The following UGGT1 variants were observed in gnomAD, a reference collection of about 807,000 sequenced individuals.
UGGT1 encodes UDP-glucose glycoprotein glucosyltransferase 1, also known as UDP-glucose:glycoprotein glucosyltransferase 1.
Under a neutral mutation model 203.9 loss-of-function variants are expected in UGGT1, and 107 were observed. The ratio of observed to expected loss-of-function variants is 0.52; its 90% CI spans 0.45 to 0.62. The LOEUF (loss-of-function observed/expected upper bound fraction) is 0.62, where lower values mean the gene tolerates loss of function less well. Among genes scored for constraint, UGGT1 ranks in the 20% least tolerant of loss-of-function variants. The pLI, the probability that UGGT1 is intolerant of heterozygous loss-of-function variation, is 0.00. For missense variants in UGGT1, 1,673 were observed against 1,867.2 expected (o/e 0.90, Z 1.92); for synonymous variants, 628 against 653.5 (o/e 0.96, Z 0.59).
At chr2:128,133,302 C>T in intron 14 of UGGT1, 42 bp downstream of exon 14, 1 of 1,550,592 alleles carries the variant, frequency 6.4e-7, no homozygotes, top group South Asian at 1.1e-5. Flanking sequence ...CTGTTTCTCC[C>T]TTGCCTAGTC....
chr2:128,164,652 G>A, intron 25 of UGGT1, 78 bp from the exon 26 acceptor site: 1 of 1,165,272 alleles, frequency 8.6e-7, no homozygotes, highest in East Asian at 2.4e-5. Context: ...TCAGTATTTG[G>A]GCTGATGATA....
Position 128,153,044 on chromosome 2 carries a change from A to G in UGGT1, c.2137+140A>G. On this transcript the variant is annotated intron_variant, in intron 19 of 40. Coordinates refer to ENST00000259253, the MANE Select transcript of UGGT1 (RefSeq NM_020120.4). ...AAGATTGTGACAAAATTTTATGTGT[A>G]AACTCTTTGCACCTTTAGTTCATAA... 1.6e-6 allele frequency: 2 copies of G among 1,218,670 alleles called. 1 individual carries two copies. Among genetic ancestry groups the G allele is most frequent in the South Asian group, 3.1e-5 (2 of 65,382 alleles). The allele number at this position is 1,218,670 out of a possible 1,614,324, so 75.5% of individuals were successfully genotyped here. A position where few individuals can be genotyped will look rare whatever the true frequency, so the allele number is the denominator to read the frequency against.
At chr2:128,123,638 C>T (rs1327167839) in intron 11 of UGGT1, among the ~76,000 whole-genome samples, 1 of 152,172 alleles carries the variant, frequency 6.6e-6, no homozygotes, top group Admixed American at 6.5e-5. Flanking sequence ...CTTTCACTGC[C>T]TCCCCCTCAG....
chr2:128,144,357 T>C (rs1019467688), intron 17 of UGGT1, among the ~76,000 whole-genome samples: 1 of 152,242 alleles, frequency 6.6e-6, no homozygotes, highest in Non-Finnish European at 1.5e-5. Context: ...TTGTAAACTA[T>C]TTCTGAGTGG....
chr2:128,121,100 A>T, intron 9 of UGGT1, 99 bp from the exon 10 acceptor site: 1 of 1,135,772 alleles, frequency 8.8e-7, no homozygotes, highest in Non-Finnish European at 1.3e-6. Context: ...AGATATTCTT[A>T]ATTACCATGA....
intron 20 of UGGT1, 53 bp from the exon 21 acceptor site, chr2:128,156,339 T>A: frequency 7.2e-7 from 1 of 1,392,842 alleles, no homozygotes; most frequent in Non-Finnish European, 1.0e-6. Context: ...CAGTAGGCAT[T>A]CATTCCAGAA....
chr2:128,176,814 C>T lies in UGGT1; in HGVS notation c.3540C>T (p.Ser1180=). ...TATTGATCTTTCTTTTCTCGCAAAG[C>T]CACGATGGCACTGATTCTCCCCCTG... ...GRSEDIYRIY[S]HDGTDSPPDA... Residue 1180 remains serine, a splice_region_variant and synonymous_variant, in exon 32 of 41, where the codon AGC becomes AGT. Coordinates refer to ENST00000259253, the MANE Select transcript of UGGT1 (RefSeq NM_020120.4). 2 of 1,613,648 alleles carry T rather than the reference C, an allele frequency of 1.2e-6. No individual in the cohort carries two copies. Among genetic ancestry groups the T allele is most frequent in the South Asian group, 1.1e-5 (1 of 90,982 alleles).
intron 17 of UGGT1, among the ~76,000 whole-genome samples, chr2:128,143,937 A>C (rs995735203): frequency 2.2e-4 from 33 of 152,104 alleles, no homozygotes; most frequent in Admixed American, 1.4e-3. Context: ...AATAAATGTC[A>C]TTGCACTTGT....
intron 38 of UGGT1, among the ~76,000 whole-genome samples, chr2:128,185,732 G>A (rs759230332): frequency 1.4e-4 from 22 of 152,008 alleles, no homozygotes; most frequent in Non-Finnish European, 3.2e-4. Context: ...CACTTCAGCA[G>A]CTATTTTTAA....
At chr2:128,178,284 T>C (rs985414136) in intron 33 of UGGT1, among the ~76,000 whole-genome samples, 184 bp from the exon 34 acceptor site, 1 of 152,192 alleles carries the variant, frequency 6.6e-6, no homozygotes, top group African/African-American at 2.4e-5. Context: ...GAACATTCTT[T>C]TTGTAGGTTG....
At chr2:128,176,234 T>C (rs1691364080) in intron 31 of UGGT1, among the ~76,000 whole-genome samples, 1 of 151,974 alleles carries the variant, frequency 6.6e-6, no homozygotes, top group African/African-American at 2.4e-5. Context: ...GCCACTATGG[T>C]GAAACCCTGT....
chr2:128,118,051 A>G (rs937615260), intron 8 of UGGT1, among the ~76,000 whole-genome samples: 2 of 151,906 alleles, frequency 1.3e-5, no homozygotes, highest in African/African-American at 4.8e-5. Flanking sequence ...TAGAAATAGT[A>G]TATGCTAGAC....
intron 30 of UGGT1, 39 bp downstream of exon 30, chr2:128,173,978 C>G (rs567729877): frequency 5.0e-6 from 8 of 1,598,354 alleles, no homozygotes; most frequent in Non-Finnish European, 6.8e-6. Flanking sequence ...ATTGTAGTTA[C>G]GTTAATTTGG....
intron 18 of UGGT1, chr2:128,151,409 C>T (rs904270276): frequency 1.1e-5 from 4 of 369,138 alleles, no homozygotes; most frequent in South Asian, 7.0e-5. Flanking sequence ...TCCTTGAACT[C>T]GATGGGCTTC....
chr2:128,194,152 G>A lies in UGGT1; in HGVS notation c.*4410G>A, dbSNP rs147635000. ...TTGTTGCCCAGGGTGGAGTACAATG[G>A]TGTGACCTTGGCTCACTGCAACCTC... On this transcript the variant is annotated 3_prime_UTR_variant, in exon 41 of 41. Transcript: ENST00000259253. 2 of 152,382 alleles carry A rather than the reference G, an allele frequency of 1.3e-5. No individual in the cohort carries two copies. Among genetic ancestry groups the A allele is most frequent in the African/African-American group, 4.8e-5 (2 of 41,544 alleles). 9.4% of individuals were successfully genotyped at this position (152,382 alleles called of 1,614,324 possible). A position where few individuals can be genotyped will look rare whatever the true frequency, so the allele number is the denominator to read the frequency against.
At chr2:128,106,466 G>GAGATAAGAAA (rs1687609420) in intron 3 of UGGT1, among the ~76,000 whole-genome samples, 1 of 152,126 alleles carries the variant, frequency 6.6e-6, no homozygotes, top group Non-Finnish European at 1.5e-5. Flanking sequence ...TTCTTATCTA[G>GAGATAAGAAA]TTTTACGTAG....
At chr2:128,121,911 C>T (rs1160201045) in intron 10 of UGGT1, among the ~76,000 whole-genome samples, 1 of 152,178 alleles carries the variant, frequency 6.6e-6, no homozygotes, top group African/African-American at 2.4e-5. Context: ...ACCTGCCTTT[C>T]AGGATTGGAT....
At chr2:128,143,779 G>A (rs1174668622) in intron 17 of UGGT1, among the ~76,000 whole-genome samples, 2 of 151,222 alleles carry the variant, frequency 1.3e-5, no homozygotes, top group Non-Finnish European at 2.9e-5. Context: ...TTAAGGCAGG[G>A]ATGTGGAGAG....
chr2:128,167,468 C>T (rs1281796388), intron 26 of UGGT1, among the ~76,000 whole-genome samples: 1 of 152,122 alleles, frequency 6.6e-6, no homozygotes. Context: ...AAAGTGTGGT[C>T]CATGGACCAG....
Sources: allele counts gnomAD v4.1 joint callset (sites outside exome capture counted in the v4.1 genomes callset), GRCh38; gene constraint gnomAD v4.1.1; transcripts MANE v1.5; gene names NCBI Gene and HGNC (gene_info 2026-07-23, HGNC 2026-07-21).